The following MARCHF4 variants were observed in gnomAD, a reference collection of about 807,000 sequenced individuals.
The protein encoded by MARCHF4 is membrane associated ring-CH-type finger 4, also known as E3 ubiquitin-protein ligase MARCHF4.
In MARCHF4, 14 loss-of-function variants were observed where a neutral mutation model predicts 43.9. The observed-to-expected ratio is 0.32, with a 90% CI of 0.21 to 0.50. The LOEUF is 0.50. Among genes scored for constraint, MARCHF4 ranks in the 20% least tolerant of loss-of-function variants. The pLI is 0.98. For missense variants in MARCHF4, 468 were observed against 536.7 expected (o/e 0.87, Z 1.27); for synonymous variants, 226 against 213.3 (o/e 1.06, Z -0.52).
At chr2:216,366,661 G>A (rs1346050644) in intron 1 of MARCHF4, among the ~76,000 whole-genome samples, 2 of 152,168 alleles carry the variant, frequency 1.3e-5, no homozygotes. Flanking sequence ...CAGCTCAGAT[G>A]ACACATTCTT....
At chr2:216,353,843 T>C (rs1209232481) in intron 1 of MARCHF4, among the ~76,000 whole-genome samples, 4 of 152,232 alleles carry the variant, frequency 2.6e-5, no homozygotes, top group African/African-American at 4.8e-5. Context: ...CGACCATGCC[T>C]GGCCTCCAGT....
intron 3 of MARCHF4, among the ~76,000 whole-genome samples, chr2:216,267,889 G>C (rs896073988): frequency 6.6e-6 from 1 of 152,032 alleles, no homozygotes; most frequent in East Asian, 1.9e-4. Flanking sequence ...TTTGGAAAAG[G>C]ACAGTGCATC....
At chr2:216,306,414 A>G (rs1455604087) in intron 1 of MARCHF4, among the ~76,000 whole-genome samples, 2 of 152,344 alleles carry the variant, frequency 1.3e-5, no homozygotes, top group East Asian at 1.9e-4. Flanking sequence ...AGTTCTGTCA[A>G]TGAAGACTTT....
intron 1 of MARCHF4, among the ~76,000 whole-genome samples, chr2:216,317,638 T>C (rs982332588): frequency 4.6e-5 from 7 of 152,204 alleles, no homozygotes; most frequent in Non-Finnish European, 8.8e-5. Context: ...GGTCTCGAAC[T>C]CCTGACCTCA....
intron 1 of MARCHF4, chr2:216,303,783 G>C (rs1281365153): frequency 6.6e-6 from 1 of 152,196 alleles, no homozygotes. Context: ...ATCTCTACTA[G>C]TCTGACAGTT....
intron 1 of MARCHF4, among the ~76,000 whole-genome samples, chr2:216,331,981 A>G (rs1194188535): frequency 6.6e-6 from 1 of 152,234 alleles, no homozygotes; most frequent in African/African-American, 2.4e-5. Context: ...CAATAAAACA[A>G]TAAAAACAAA....
chr2:216,303,424 A>G (rs1422344066), intron 1 of MARCHF4: 2 of 152,258 alleles, frequency 1.3e-5, no homozygotes, highest in Admixed American at 6.5e-5. Flanking sequence ...AAATCAGCTC[A>G]TCCCTTCAAG....
intron 1 of MARCHF4, among the ~76,000 whole-genome samples, chr2:216,304,190 T>C (rs922413812): frequency 1.3e-5 from 2 of 152,222 alleles, no homozygotes; most frequent in Non-Finnish European, 2.9e-5. Flanking sequence ...TCCTCATGCA[T>C]CTTAACTTTT....
chr2:216,306,501 T>C (rs892720153), intron 1 of MARCHF4, among the ~76,000 whole-genome samples: 31 of 152,224 alleles, frequency 2.0e-4, no homozygotes, highest in African/African-American at 6.5e-4. Flanking sequence ...TGTCAAGACA[T>C]TATAATCTTC....
chr2:216,320,464 T>A (rs532267655), intron 1 of MARCHF4, among the ~76,000 whole-genome samples: 1 of 152,268 alleles, frequency 6.6e-6, no homozygotes, highest in South Asian at 2.1e-4. Flanking sequence ...AGGCATGAAA[T>A]CATTTACTTA....
At chr2:216,368,140 C>A (rs1692695567) in intron 1 of MARCHF4, among the ~76,000 whole-genome samples, 1 of 152,154 alleles carries the variant, frequency 6.6e-6, no homozygotes, top group South Asian at 2.1e-4. Flanking sequence ...CAGACCTGAG[C>A]CCATATGGGA....
chr2:216,356,471 G>A (rs1266905531), intron 1 of MARCHF4, among the ~76,000 whole-genome samples: 1 of 152,182 alleles, frequency 6.6e-6, no homozygotes, highest in Non-Finnish European at 1.5e-5. Flanking sequence ...AGTTCTATGA[G>A]ATATTTATTT....
chr2:216,302,226 AT>A (rs1037220823), intron 1 of MARCHF4, among the ~76,000 whole-genome samples: 5 of 149,126 alleles, frequency 3.4e-5, no homozygotes, highest in Non-Finnish European at 4.4e-5. Flanking sequence ...TCAAAAAAAA[AT>A]TTTTTTTTTG....
chr2:216,340,342 C>A (rs553693883), intron 1 of MARCHF4, among the ~76,000 whole-genome samples: 1 of 152,246 alleles, frequency 6.6e-6, no homozygotes, highest in East Asian at 1.9e-4. Context: ...AGAATATAAA[C>A]CCCATAGTGA....
chr2:216,267,274 A>T (rs1402757550), intron 3 of MARCHF4, among the ~76,000 whole-genome samples: 1 of 152,250 alleles, frequency 6.6e-6, no homozygotes, highest in Admixed American at 6.5e-5. Flanking sequence ...AGCATTTAAG[A>T]AATGGGTCTA....
At chr2:216,322,540 G>A (rs1192670898) in intron 1 of MARCHF4, among the ~76,000 whole-genome samples, 5 of 152,312 alleles carry the variant, frequency 3.3e-5, no homozygotes, top group South Asian at 4.1e-4. Flanking sequence ...AACTGGTCTC[G>A]GCCAGGCACG....
At chr2:216,324,495 G>A (rs960884943) in intron 1 of MARCHF4, among the ~76,000 whole-genome samples, 4 of 151,882 alleles carry the variant, frequency 2.6e-5, no homozygotes, top group East Asian at 3.9e-4. Context: ...TACAAAAGCC[G>A]GGCAGAGACA....
At chr2:216,304,989 G>T (rs1055334495) in intron 1 of MARCHF4, among the ~76,000 whole-genome samples, 1 of 152,104 alleles carries the variant, frequency 6.6e-6, no homozygotes, top group Admixed American at 6.6e-5. Flanking sequence ...CTGCATGGAA[G>T]TCATTCAATT....
At chr2:216,285,651 C>T (rs751736771) in intron 1 of MARCHF4, among the ~76,000 whole-genome samples, 1 of 152,164 alleles carries the variant, frequency 6.6e-6, no homozygotes, top group East Asian at 1.9e-4. Flanking sequence ...GCTGGAGATG[C>T]CCACGTTGCT....
Sources: allele counts gnomAD v4.1 joint callset (sites outside exome capture counted in the v4.1 genomes callset), GRCh38; gene constraint gnomAD v4.1.1; transcripts MANE v1.5; gene names NCBI Gene and HGNC (gene_info 2026-07-23, HGNC 2026-07-21).